Variants in MACROD2 observed in about 807,000 individuals in gnomAD.
The protein encoded by MACROD2 is mono-ADP ribosylhydrolase 2, also known as ADP-ribose glycohydrolase MACROD2.
In MACROD2, 36 loss-of-function variants were observed where a neutral mutation model predicts 70.4. That is an observed-to-expected ratio of 0.51 (90% CI 0.39 to 0.68). The LOEUF (loss-of-function observed/expected upper bound fraction) is 0.68, where lower values mean the gene tolerates loss of function less well. MACROD2 is among the 30% of genes least tolerant of loss of function. The pLI, the probability that MACROD2 is intolerant of heterozygous loss-of-function variation, is 0.00. For missense variants in MACROD2, 496 were observed against 538.4 expected (o/e 0.92, Z 0.78); for synonymous variants, 172 against 178.8 (o/e 0.96, Z 0.30).
At chr20:14,884,304 G>A (rs1233493048) in intron 5 of MACROD2, 1 of 152,278 alleles carries the variant, frequency 6.6e-6, no homozygotes, top group African/African-American at 2.4e-5. Context: ...CTGCAGTTTG[G>A]GCAGGGCTCA....
At chr20:14,862,126 ATATATAT>A (rs2073338954) in intron 5 of MACROD2, among the ~76,000 whole-genome samples, 2 of 2,466 alleles carry the variant, frequency 8.1e-4, no homozygotes, top group Non-Finnish European at 7.8e-4. Flanking sequence ...TAAATATATA[ATATATAT>A]AAATATATAT....
chr20:14,515,464 C>CACACACACAT (rs1555798334), intron 4 of MACROD2, among the ~76,000 whole-genome samples: 1 of 27,238 alleles, frequency 3.7e-5, no homozygotes, highest in Non-Finnish European at 7.5e-5. Flanking sequence ...TACACACACA[C>CACACACACAT]GCACACACAC....
At chr20:14,296,864 A>G (rs1394997728) in intron 3 of MACROD2, among the ~76,000 whole-genome samples, 1 of 151,942 alleles carries the variant, frequency 6.6e-6, no homozygotes, top group Admixed American at 6.6e-5. Flanking sequence ...TATACTTCAC[A>G]GTTACTATAC....
intron 3 of MACROD2, among the ~76,000 whole-genome samples, chr20:14,380,158 T>TA (rs1276477513): frequency 8.5e-5 from 13 of 152,148 alleles, no homozygotes; most frequent in Admixed American, 3.9e-4. Flanking sequence ...GGGTATGAAG[T>TA]GATATCTCAT....
chr20:14,871,462 A>G (rs569156035), intron 5 of MACROD2, among the ~76,000 whole-genome samples: 1 of 152,264 alleles, frequency 6.6e-6, no homozygotes, highest in East Asian at 1.9e-4. Context: ...TTTTCAGACA[A>G]GTAAATGCTA....
intron 4 of MACROD2, among the ~76,000 whole-genome samples, chr20:14,522,044 G>A (rs1185260028): frequency 1.3e-5 from 2 of 152,144 alleles, no homozygotes; most frequent in African/African-American, 2.4e-5. Context: ...CGTCGAAGCC[G>A]CTGTGATGAG....
chr20:15,816,160 T>A (rs6131727), intron 8 of MACROD2, among the ~76,000 whole-genome samples: 32,248 of 151,900 alleles, frequency 0.21, 3,435 homozygotes, highest in African/African-American at 0.22. Context: ...AGGACTAACT[T>A]AAGTAATATG....
intron 3 of MACROD2, among the ~76,000 whole-genome samples, chr20:14,118,797 T>C (rs960303094): frequency 5.3e-5 from 8 of 152,018 alleles, no homozygotes; most frequent in African/African-American, 1.4e-4. Context: ...TAGTTCAGTA[T>C]TGAACTAAAA....
chr20:14,860,530 G>A (rs1300491951), intron 5 of MACROD2, among the ~76,000 whole-genome samples: 1 of 152,104 alleles, frequency 6.6e-6, no homozygotes, highest in East Asian at 1.9e-4. Context: ...GCTGGAACCT[G>A]CTCTCTGTGA....
At chr20:15,057,695 GC>G (rs1246678744) in intron 5 of MACROD2, among the ~76,000 whole-genome samples, 1 of 152,186 alleles carries the variant, frequency 6.6e-6, no homozygotes, top group Admixed American at 6.5e-5. Context: ...TGCTTAGAAA[GC>G]AGGTGTCTGG....
At chr20:15,717,586 C>T (rs540822385) in intron 8 of MACROD2, among the ~76,000 whole-genome samples, 1 of 152,252 alleles carries the variant, frequency 6.6e-6, no homozygotes, top group South Asian at 2.1e-4. Flanking sequence ...GGGATGTGAG[C>T]GTGCAGCCCT....
intron 5 of MACROD2, among the ~76,000 whole-genome samples, chr20:14,786,451 A>G (rs2072375413): frequency 6.6e-6 from 1 of 152,028 alleles, no homozygotes; most frequent in African/African-American, 2.4e-5. Context: ...GGACGCAAGT[A>G]TCATTATTTT....
chr20:14,839,227 G>A (rs1408976153), intron 5 of MACROD2, among the ~76,000 whole-genome samples: 1 of 152,038 alleles, frequency 6.6e-6, no homozygotes, highest in Non-Finnish European at 1.5e-5. Flanking sequence ...CTCTTCCAGG[G>A]CACCTGTTAG....
chr20:14,028,365 G>T (rs2148629840), intron 2 of MACROD2, among the ~76,000 whole-genome samples: 1 of 152,284 alleles, frequency 6.6e-6, no homozygotes. Flanking sequence ...GACCCCGTGG[G>T]GGTGGGATCT....
chr20:14,870,143 C>G (rs538974132), intron 5 of MACROD2, among the ~76,000 whole-genome samples: 1 of 152,100 alleles, frequency 6.6e-6, no homozygotes, highest in Non-Finnish European at 1.5e-5. Context: ...TGTTGTTTCT[C>G]TCTTTGTGTC....
chr20:14,254,494 A>C (rs1463141367), intron 3 of MACROD2, among the ~76,000 whole-genome samples: 2 of 152,076 alleles, frequency 1.3e-5, no homozygotes, highest in African/African-American at 2.4e-5. Context: ...TTTTATTTTT[A>C]TCAGGTAAAA....
At chr20:15,625,866 G>A (rs573597685) in intron 8 of MACROD2, among the ~76,000 whole-genome samples, 3 of 117,948 alleles carry the variant, frequency 2.5e-5, no homozygotes, top group Admixed American at 1.1e-4. Flanking sequence ...CATGGCAGAT[G>A]ATAGCTTTTG....
At chr20:15,758,218 A>G (rs891927181) in intron 8 of MACROD2, among the ~76,000 whole-genome samples, 2 of 151,774 alleles carry the variant, frequency 1.3e-5, no homozygotes, top group Non-Finnish European at 2.9e-5. Flanking sequence ...ACATTTTGGA[A>G]TAATACATTC....
At chr20:15,893,373 G>C (rs906541931) in intron 10 of MACROD2, among the ~76,000 whole-genome samples, 3 of 152,250 alleles carry the variant, frequency 2.0e-5, no homozygotes, top group Non-Finnish European at 4.4e-5. Flanking sequence ...TGGGGAAATT[G>C]TTTTTCTGAT....
Sources: gnomAD v4.1 joint callset for allele counts (sites outside exome capture counted in the v4.1 genomes callset) on GRCh38, gnomAD v4.1.1 for gene constraint, MANE v1.5 for transcripts, NCBI Gene and HGNC (gene_info 2026-07-23, HGNC 2026-07-21) for gene names.